The following TSHZ2 variants were observed in gnomAD, a reference collection of about 807,000 sequenced individuals.
TSHZ2 encodes the protein teashirt zinc finger homeobox 2, also known as teashirt homolog 2.
A neutral mutation model predicts 74.4 loss-of-function variants in TSHZ2; 21 were observed. The observed-to-expected ratio is 0.28, with a 90% CI of 0.20 to 0.41. The LOEUF is 0.41. Ranked by LOEUF, TSHZ2 falls within the 10% of genes least tolerant of loss-of-function variation. The pLI, the probability that TSHZ2 is intolerant of heterozygous loss-of-function variation, is 1.00. For synonymous variants in TSHZ2, 540 were observed against 515.3 expected (o/e 1.05, Z -0.65); for missense variants, 1,244 against 1,293.5 (o/e 0.96, Z 0.59).
chr20:53,457,232 T>C (rs1392274540), intron 2 of TSHZ2, among the ~76,000 whole-genome samples: 5 of 145,836 alleles, frequency 3.4e-5, no homozygotes, highest in African/African-American at 7.9e-5. Flanking sequence ...CTTTTATTTC[T>C]TTGAGCAGCA....
chr20:53,252,684 G>A (rs1038601989), intron 1 of TSHZ2, among the ~76,000 whole-genome samples: 7 of 152,074 alleles, frequency 4.6e-5, no homozygotes, highest in African/African-American at 7.2e-5. Flanking sequence ...ATCTCATGAC[G>A]GGTACCCACA....
chr20:53,151,269 G>C (rs1568784010), intron 1 of TSHZ2, among the ~76,000 whole-genome samples: 1 of 152,212 alleles, frequency 6.6e-6, no homozygotes, highest in Non-Finnish European at 1.5e-5. Flanking sequence ...CGCTGAGATG[G>C]ATCAAGAATG....
chr20:53,025,942 T>C (rs768487402), intron 1 of TSHZ2, among the ~76,000 whole-genome samples: 5 of 152,110 alleles, frequency 3.3e-5, no homozygotes, highest in Non-Finnish European at 7.4e-5. Context: ...CAGTAGTCCC[T>C]GAGAAAAGCG....
chr20:53,367,025 T>C (rs897560683), intron 2 of TSHZ2, among the ~76,000 whole-genome samples: 2 of 152,178 alleles, frequency 1.3e-5, no homozygotes, highest in Non-Finnish European at 1.5e-5. Flanking sequence ...ACTCCATAGC[T>C]GATACTCTTA....
chr20:52,980,908 AT>A (rs539309435), intron 1 of TSHZ2, among the ~76,000 whole-genome samples: 6 of 152,152 alleles, frequency 3.9e-5, no homozygotes, highest in African/African-American at 7.2e-5. Context: ...GATCCTTGGA[AT>A]TTTTTTTATG....
At chr20:53,168,937 G>A (rs1341721216) in intron 1 of TSHZ2, 1 of 152,038 alleles carries the variant, frequency 6.6e-6, no homozygotes, top group Non-Finnish European at 1.5e-5. Context: ...TCAGTTTATT[G>A]AATAATGTTC....
intron 1 of TSHZ2, among the ~76,000 whole-genome samples, chr20:53,205,090 C>CA (rs778251077): frequency 0.045 from 3,762 of 82,740 alleles, 106 homozygotes; most frequent in African/African-American, 0.12. Flanking sequence ...GACTCCATCT[C>CA]AAAAAAAAAA....
intron 1 of TSHZ2, among the ~76,000 whole-genome samples, chr20:53,144,855 AATAAT>A (rs1464672409): frequency 6.6e-6 from 1 of 151,270 alleles, no homozygotes; most frequent in Non-Finnish European, 1.5e-5. Flanking sequence ...ATATATATAT[AATAAT>A]ATATAAAATA....
chr20:53,042,756 A>G (rs1984089716), intron 1 of TSHZ2, among the ~76,000 whole-genome samples: 1 of 152,136 alleles, frequency 6.6e-6, no homozygotes, highest in African/African-American at 2.4e-5. Flanking sequence ...CAAGGAGGCT[A>G]AAACATCTAT....
At chr20:53,026,744 A>G (rs1017053782) in intron 1 of TSHZ2, among the ~76,000 whole-genome samples, 2 of 152,198 alleles carry the variant, frequency 1.3e-5, no homozygotes, top group African/African-American at 4.8e-5. Context: ...TTATACTTAA[A>G]GTATGTACTA....
intron 2 of TSHZ2, among the ~76,000 whole-genome samples, chr20:53,274,084 T>A (rs534342577): frequency 8.5e-5 from 13 of 152,078 alleles, no homozygotes; most frequent in African/African-American, 3.1e-4. Context: ...ATCGAGACCA[T>A]CCTGGTGAGA....
At chr20:53,140,494 C>T (rs1160658314) in intron 1 of TSHZ2, among the ~76,000 whole-genome samples, 1 of 140,084 alleles carries the variant, frequency 7.1e-6, no homozygotes, top group Admixed American at 7.9e-5. Flanking sequence ...GAGCTGAGAT[C>T]ACGCCACTGC....
intron 1 of TSHZ2, among the ~76,000 whole-genome samples, chr20:53,243,651 C>T (rs1990124000): frequency 6.6e-6 from 1 of 152,124 alleles, no homozygotes; most frequent in African/African-American, 2.4e-5. Flanking sequence ...GAAGCCCTTT[C>T]CTGAATGAGA....
Position 53,253,616 on chromosome 20 carries a change from A to C in TSHZ2, c.158A>C (p.Glu53Ala), listed in dbSNP as rs774303094. The C allele has an allele frequency of 3.3e-5, 54 of 1,614,052 alleles. No individual in the cohort carries two copies. Among genetic ancestry groups the C allele is most frequent in the Non-Finnish European group, 4.2e-5 (49 of 1,180,046 alleles). Reference protein sequence around the residue: ...QGGNDTGTDEELETGPEQKGC... With the variant: ...QGGNDTGTDEALETGPEQKGC... Reference sequence around the variant, plus strand: ...GGCAATGACACAGGGACGGACGAGGAGCTAGAAACGGGCCCAGAGCAAAAA... The same window carrying C: ...GGCAATGACACAGGGACGGACGAGGCGCTAGAAACGGGCCCAGAGCAAAAA... Residue 53 changes from glutamate to alanine, a missense_variant, in exon 2 of 3, where the codon GAG (glutamate) becomes GCG (alanine). Physicochemically the swap from Glu to Ala is moderately radical, Grantham distance 107. This residue lies in a region of TSHZ2 where 470 missense variants were observed against 456.5 expected (regional missense o/e 1.03). Transcript: ENST00000371497.
In TSHZ2 at chr20:53,490,213, T is replaced by C. The variant is rs959279903; in HGVS notation, c.*3078T>C. 1 of 152,234 alleles carries C rather than the reference T, an allele frequency of 6.6e-6. No individual in the cohort carries two copies. The highest frequency in any genetic ancestry group is 2.4e-5 in the African/African-American group (1 of 41,456). 9.4% of individuals were successfully genotyped at this position (152,234 alleles called of 1,614,324 possible). On this transcript the variant is annotated 3_prime_UTR_variant, in exon 3 of 3. Transcript: ENST00000371497. The stretch of plus-strand genomic sequence containing the variant: ...ATGTTACATATTTGGCCCTATTTTG[T>C]AGTTCAGCAAATCCTCCAAATACAC...
intron 2 of TSHZ2, among the ~76,000 whole-genome samples, chr20:53,299,394 C>T (rs1279226766): frequency 6.6e-6 from 1 of 152,152 alleles, no homozygotes; most frequent in Non-Finnish European, 1.5e-5. Context: ...ATTGTCTTTA[C>T]AAAAAATATT....
chr20:53,193,770 A>T (rs866955477), intron 1 of TSHZ2, among the ~76,000 whole-genome samples: 1 of 152,196 alleles, frequency 6.6e-6, no homozygotes, highest in Non-Finnish European at 1.5e-5. Flanking sequence ...CGCTGTAGGA[A>T]AGCAGGTCTC....
At chr20:53,213,265 T>C (rs945986431) in intron 1 of TSHZ2, among the ~76,000 whole-genome samples, 2 of 152,350 alleles carry the variant, frequency 1.3e-5, no homozygotes, top group Admixed American at 6.5e-5. Context: ...AGTTTCTTGT[T>C]CATGCCTTGA....
chr20:53,057,268 T>C (rs997320384), intron 1 of TSHZ2, among the ~76,000 whole-genome samples: 4 of 152,212 alleles, frequency 2.6e-5, no homozygotes. Context: ...CCTAGTACCT[T>C]GTAAGCATGC....
Sources: gnomAD v4.1 joint callset for allele counts (sites outside exome capture counted in the v4.1 genomes callset) on GRCh38, gnomAD v4.1.1 for gene constraint, gnomAD v4.1.1 regional missense constraint, MANE v1.5 for transcripts, NCBI Gene and HGNC (gene_info 2026-07-23, HGNC 2026-07-21) for gene names.